The following RRAGB variants were observed in gnomAD, a reference collection of about 807,000 sequenced individuals.
RRAGB encodes the protein Ras related GTP binding B.
A neutral mutation model predicts 29.3 loss-of-function variants in RRAGB; 6 were observed. The observed-to-expected ratio is 0.21, with a 90% CI of 0.11 to 0.40. The LOEUF (loss-of-function observed/expected upper bound fraction) is 0.40, where lower values mean the gene tolerates loss of function less well. Among genes scored for constraint, RRAGB ranks in the 10% least tolerant of loss-of-function variants. The pLI is 1.00. For missense variants in RRAGB, 184 were observed against 272.9 expected, an observed-to-expected ratio of 0.67 and a Z score of 2.29; for synonymous variants, 101 against 92.5, an observed-to-expected ratio of 1.09 and a Z score of -0.53.
At chrX:55,754,432 T>C (rs1052836410) in intron 7 of RRAGB, among the ~76,000 whole-genome samples, 8 of 113,005 alleles carry the variant, frequency 7.1e-5, no homozygotes, top group Non-Finnish European at 1.9e-5. Flanking sequence ...CACAACACAC[T>C]GCATAAGTAA....
At chrX:55,730,969 T>TG (rs1185746610) in intron 4 of RRAGB, among the ~76,000 whole-genome samples, 1 of 107,499 alleles carries the variant, frequency 9.3e-6, no homozygotes, top group Non-Finnish European at 1.9e-5. Flanking sequence ...GATGAGGAGG[T>TG]GGGGGGTAGC....
intron 3 of RRAGB, among the ~76,000 whole-genome samples, chrX:55,728,110 A>G (rs942366851): frequency 1.5e-4 from 17 of 111,623 alleles, no homozygotes; most frequent in African/African-American, 4.9e-4. Context: ...GGCAGCCTAT[A>G]TCCTGGATAA....
intron 3 of RRAGB, among the ~76,000 whole-genome samples, chrX:55,726,366 A>G (rs1193824287): frequency 4.5e-5 from 5 of 111,294 alleles, no homozygotes; most frequent in Non-Finnish European, 9.4e-5. Flanking sequence ...GGTGTATACA[A>G]TCGTGCATAT....
intron 3 of RRAGB, among the ~76,000 whole-genome samples, chrX:55,727,746 C>T (rs2033533793): frequency 8.9e-6 from 1 of 112,086 alleles, no homozygotes; most frequent in Non-Finnish European, 1.9e-5. Context: ...ATTTAAGCAA[C>T]AGCTTTGAGA....
chrX:55,728,108 A>C (rs142345217), intron 3 of RRAGB, among the ~76,000 whole-genome samples: 1 of 111,624 alleles, frequency 9.0e-6, no homozygotes, highest in Non-Finnish European at 1.9e-5. Flanking sequence ...CAGGCAGCCT[A>C]TATCCTGGAT....
At chrX:55,733,310 T>G (rs765766021) in intron 5 of RRAGB, among the ~76,000 whole-genome samples, 1 of 112,425 alleles carries the variant, frequency 8.9e-6, no homozygotes, top group South Asian at 3.7e-4. Flanking sequence ...TCATGCCTAA[T>G]TACTCTGGCT....
chrX:55,741,047 CAGCTCGTG>C (rs2034052066), intron 5 of RRAGB, among the ~76,000 whole-genome samples: 1 of 87,257 alleles, frequency 1.1e-5, no homozygotes, highest in Non-Finnish European at 2.2e-5. Flanking sequence ...TTTTTTTGCT[CAGCTCGTG>C]AGCAAACCTT....
At chrX:55,745,527 A>T (rs756716561) in intron 5 of RRAGB, among the ~76,000 whole-genome samples, 1 of 112,726 alleles carries the variant, frequency 8.9e-6, no homozygotes, top group East Asian at 2.8e-4. Context: ...AGTTTATGAC[A>T]GTCCACTGTC....
intron 3 of RRAGB, among the ~76,000 whole-genome samples, chrX:55,725,636 G>A (rs1168634947): frequency 1.8e-5 from 2 of 111,462 alleles, no homozygotes; most frequent in Non-Finnish European, 3.8e-5. Context: ...TTTGAAGTAA[G>A]AATACATGAT....
chrX:55,748,039 C>T (rs1442209998), intron 5 of RRAGB, among the ~76,000 whole-genome samples: 4 of 112,632 alleles, frequency 3.6e-5, no homozygotes, highest in Admixed American at 1.9e-4. Flanking sequence ...GACTGGTTTT[C>T]GTATTTTTTT....
At chrX:55,719,718 A>G (rs1055387958) in intron 2 of RRAGB, among the ~76,000 whole-genome samples, 1 of 112,047 alleles carries the variant, frequency 8.9e-6, no homozygotes, top group African/African-American at 3.2e-5. Context: ...TGTAAGCCAT[A>G]TACACACACC....
At chrX:55,718,868 C>G (rs2033155693) in intron 1 of RRAGB, among the ~76,000 whole-genome samples, 1 of 111,427 alleles carries the variant, frequency 9.0e-6, no homozygotes, top group African/African-American at 3.3e-5. Flanking sequence ...AGCTGAAGGA[C>G]TAAAAAGATA....
intron 5 of RRAGB, among the ~76,000 whole-genome samples, chrX:55,739,456 G>A (rs1367046711): frequency 8.9e-6 from 1 of 112,244 alleles, no homozygotes; most frequent in African/African-American, 3.2e-5. Flanking sequence ...TACATGCAAA[G>A]TACTTCTCAA....
intron 5 of RRAGB, among the ~76,000 whole-genome samples, chrX:55,739,829 A>T (rs1387286473): frequency 8.9e-5 from 10 of 112,042 alleles, no homozygotes; most frequent in Non-Finnish European, 5.6e-5. Flanking sequence ...AAAAAAAATC[A>T]CTTTTGATTA....
At chrX:55,734,732 T>C (rs921563915) in intron 5 of RRAGB, among the ~76,000 whole-genome samples, 4 of 112,298 alleles carry the variant, frequency 3.6e-5, no homozygotes, top group Non-Finnish European at 1.9e-5. Context: ...TGTAAATTTG[T>C]GATCTTTTTG....
At chrX:55,740,892 GTTC>G (rs1224791602) in intron 5 of RRAGB, among the ~76,000 whole-genome samples, 4 of 111,458 alleles carry the variant, frequency 3.6e-5, no homozygotes, top group African/African-American at 6.5e-5. Flanking sequence ...GTACTTTAGA[GTTC>G]TTCTTAGTCC....
chrX:55,751,129 G>A lies in RRAGB; in HGVS notation c.545G>A (p.Arg182Lys). Residue 182 changes from arginine (R) to lysine (K), a missense_variant, in exon 6 of 10, where the codon AGG (arginine) becomes AAG (lysine). Arg to Lys is a conservative substitution (Grantham distance 26). Transcript: ENST00000374941. ...TTTAAAGAGCGAGAAGAAGATTTGA[G>A]GCGTTTGTCTCGCCCATTGGAATGT... ...LIFKEREEDLRRLSRPLECSC... is the reference protein window; with the variant it reads ...LIFKEREEDLKRLSRPLECSC... 8.4e-7 allele frequency: 1 copy of A among 1,196,752 alleles called. No individual in the cohort carries two copies. Among genetic ancestry groups the A allele is most frequent in the Non-Finnish European group, 1.1e-6 (1 of 883,113 alleles).
chrX:55,742,816 C>T (rs745600869), intron 5 of RRAGB, among the ~76,000 whole-genome samples: 6 of 111,809 alleles, frequency 5.4e-5, no homozygotes, highest in South Asian at 3.8e-4. Context: ...ATTTATTGGA[C>T]GCTGACTCAG....
intron 1 of RRAGB, among the ~76,000 whole-genome samples, 188 bp from the exon 2 acceptor site, chrX:55,719,126 G>A (rs987089069): frequency 2.7e-5 from 3 of 111,559 alleles, no homozygotes; most frequent in African/African-American, 9.8e-5. Flanking sequence ...AGGAGATAGA[G>A]AGTATACACA....
Sources: gnomAD v4.1 joint callset for allele counts (sites outside exome capture counted in the v4.1 genomes callset) on GRCh38, gnomAD v4.1.1 for gene constraint, MANE v1.5 for transcripts, NCBI Gene and HGNC (gene_info 2026-07-23, HGNC 2026-07-21) for gene names.